Variants in SCGB2B2 observed in about 807,000 individuals in gnomAD.
The protein encoded by SCGB2B2 is secretoglobin-like protein.
Under a neutral mutation model 7.6 loss-of-function variants are expected in SCGB2B2, and 11 were observed. That is an observed-to-expected ratio of 1.45 (90% confidence interval 0.91 to 2.40). The LOEUF is 2.40. Ranked by LOEUF, SCGB2B2 falls within the 30% of genes most tolerant of loss-of-function variation. The probability of loss-of-function intolerance (pLI) is 0.00; values close to 1 mark genes in which losing one functional copy is unlikely to be tolerated. For synonymous variants in SCGB2B2, 50 were observed against 48.6 expected (o/e 1.03, Z -0.12); for missense variants, 104 against 115.4 (o/e 0.90, Z 0.45).
chr19:34,647,691 C>T (rs1450629724), intron 1 of SCGB2B2, among the ~76,000 whole-genome samples: 2 of 152,206 alleles, frequency 1.3e-5, no homozygotes, highest in African/African-American at 4.8e-5. Flanking sequence ...CCGGACACCC[C>T]ATGAAGAACA....
At chr19:34,648,387 T>C (rs2067076595) in intron 1 of SCGB2B2, among the ~76,000 whole-genome samples, 1 of 152,228 alleles carries the variant, frequency 6.6e-6, no homozygotes, top group Admixed American at 6.5e-5. Flanking sequence ...CAGTTAAAAA[T>C]GTCCTGAGAA....
chr19:34,670,751 A>AT (rs2067782345), intron 1 of SCGB2B2, among the ~76,000 whole-genome samples: 1 of 152,006 alleles, frequency 6.6e-6, no homozygotes, highest in Admixed American at 6.6e-5. Flanking sequence ...TGAATGTGTT[A>AT]TTTTTTTCTT....
At chr19:34,624,341 T>C (rs569334421) in intron 1 of SCGB2B2, among the ~76,000 whole-genome samples, 183 of 152,332 alleles carry the variant, frequency 1.2e-3, no homozygotes, top group Middle Eastern at 3.4e-3. Flanking sequence ...ATGACTATCA[T>C]TGGGGAACAA....
In SCGB2B2 at chr19:34,593,413, AC is replaced by A; in HGVS notation, c.*141del. The A allele has an allele frequency of 1.5e-6, 1 of 647,140 alleles. No individual in the cohort carries two copies. 40.1% of individuals were successfully genotyped at this position (647,140 alleles called of 1,614,324 possible). On this transcript the variant is annotated 3_prime_UTR_variant, in exon 4 of 4. Transcript: ENST00000601241. ...CACTCTGCATATGCGGTCACAGCCA[AC>A]CCCACACAGATGCCAGAACACAGAA...
Position 34,592,230 on chromosome 19 carries a change from G to A in SCGB2B2, c.*1325C>T, listed in dbSNP as rs1301311449. On this transcript the variant is annotated 3_prime_UTR_variant, in exon 4 of 4. Coordinates refer to ENST00000601241, the MANE Select transcript of SCGB2B2 (RefSeq NM_001025591.4). The stretch of plus-strand genomic sequence containing the variant: ...GTGAGGGAGGAGAAGAATGTTGAAA[G>A]GAAATCTGGGAGTGCAAAGATAGGG... Among the ~76,000 whole-genome samples the A allele has an allele frequency of 6.6e-6, 1 of 152,150 alleles. No individual in the cohort carries two copies. The highest frequency in any genetic ancestry group is 1.5e-5 in the Non-Finnish European group (1 of 68,026).
chr19:34,615,870 G>A (rs564726157), intron 1 of SCGB2B2, among the ~76,000 whole-genome samples: 6 of 134,052 alleles, frequency 4.5e-5, no homozygotes, highest in African/African-American at 1.7e-4. Context: ...CCCAGAGTGT[G>A]ATGTTCCCCT....
At chr19:34,634,745 A>G (rs2066628415) in intron 1 of SCGB2B2, 2 of 161,132 alleles carry the variant, frequency 1.2e-5, no homozygotes, top group African/African-American at 4.8e-5. Flanking sequence ...ATAATTTCCT[A>G]CATTCACTAC....
chr19:34,605,702 C>T (rs1018302143), intron 1 of SCGB2B2, among the ~76,000 whole-genome samples: 1 of 152,144 alleles, frequency 6.6e-6, no homozygotes, highest in African/African-American at 2.4e-5. Flanking sequence ...ATTCTCCTGC[C>T]TCAGCCTCCT....
At chr19:34,622,332 CTTT>C (rs1484276312) in intron 1 of SCGB2B2, among the ~76,000 whole-genome samples, 1 of 152,160 alleles carries the variant, frequency 6.6e-6, no homozygotes, top group East Asian at 1.9e-4. Flanking sequence ...TGGTTAAAGC[CTTT>C]TTGAGCCCCA....
intron 1 of SCGB2B2, among the ~76,000 whole-genome samples, chr19:34,620,084 T>TATC (rs1203819660): frequency 6.6e-6 from 1 of 152,212 alleles, no homozygotes; most frequent in African/African-American, 2.4e-5. Flanking sequence ...CTAAATTGCC[T>TATC]ATCAGATACT....
intron 1 of SCGB2B2, among the ~76,000 whole-genome samples, chr19:34,655,479 C>G (rs906565986): frequency 1.3e-5 from 2 of 151,074 alleles, no homozygotes; most frequent in Admixed American, 6.6e-5. Context: ...GGATGCCCCC[C>G]CAACCCCACT....
chr19:34,659,396 T>C (rs1366488122), intron 1 of SCGB2B2, among the ~76,000 whole-genome samples: 1 of 152,210 alleles, frequency 6.6e-6, no homozygotes, highest in Non-Finnish European at 1.5e-5. Context: ...AACCTCATCG[T>C]TTCAGCCAAA....
chr19:34,588,369 A>T (rs2065226222), downstream of SCGB2B2, among the ~76,000 whole-genome samples: 1 of 152,182 alleles, frequency 6.6e-6, no homozygotes, highest in Non-Finnish European at 1.5e-5. Context: ...ATTCACCCCT[A>T]GCTGAGGCCC....
chr19:34,649,546 G>C (rs2067109903), intron 1 of SCGB2B2, among the ~76,000 whole-genome samples: 1 of 152,052 alleles, frequency 6.6e-6, no homozygotes, highest in African/African-American at 2.4e-5. Context: ...TAACTATTTG[G>C]AGTTTAAAAA....
intron 1 of SCGB2B2, among the ~76,000 whole-genome samples, chr19:34,655,139 C>G (rs1280179928): frequency 6.6e-6 from 1 of 151,124 alleles, no homozygotes; most frequent in African/African-American, 2.5e-5. Flanking sequence ...CTGAATGGAC[C>G]CCTCCTCTTG....
At chr19:34,609,368 T>C (rs894366911) in intron 1 of SCGB2B2, among the ~76,000 whole-genome samples, 2 of 152,108 alleles carry the variant, frequency 1.3e-5, no homozygotes, top group African/African-American at 4.8e-5. Flanking sequence ...TTTGTGCTTT[T>C]GAGGTTTTCT....
At chr19:34,597,809 T>C (rs1314629734) in intron 1 of SCGB2B2, among the ~76,000 whole-genome samples, 5 of 152,204 alleles carry the variant, frequency 3.3e-5, no homozygotes, top group Non-Finnish European at 2.9e-5. Flanking sequence ...AGGCATCCCA[T>C]GCTGCAGCCT....
chr19:34,660,955 T>C (rs928380059), intron 1 of SCGB2B2, among the ~76,000 whole-genome samples: 7 of 152,102 alleles, frequency 4.6e-5, no homozygotes, highest in African/African-American at 1.4e-4. Flanking sequence ...TAAGAATGGA[T>C]GAGTGCATGT....
chr19:34,676,089 ATCCTGCTGATTTG>A lies in SCGB2B2; in HGVS notation c.-2504_-2492del, dbSNP rs1396989147. 6.6e-6 allele frequency: 1 copy of A among 152,206 alleles called. No individual in the cohort carries two copies. The allele number at this position is 152,206 out of a possible 1,614,324, so 9.4% of individuals were successfully genotyped here. On this transcript the variant is annotated 5_prime_UTR_variant, in exon 1 of 4. In the 5' UTR this introduces an upstream ATG that the reference lacks. Transcript: ENST00000601241. ...TATTCCCTTATTTGGCCCCGCCCAC[ATCCTGCTGATTTG>A]TCCATTTTACAGAGCGCTGATTGGT...
Sources: gnomAD v4.1 joint callset for allele counts (sites outside exome capture counted in the v4.1 genomes callset) on GRCh38, gnomAD v4.1.1 for gene constraint, MANE v1.5 for transcripts, NCBI Gene and HGNC (gene_info 2026-07-23, HGNC 2026-07-21) for gene names.